Variants in CACNA2D3 observed in about 807,000 individuals in gnomAD.
The protein encoded by CACNA2D3 is calcium voltage-gated channel auxiliary subunit alpha2delta 3.
CACNA2D3 carries 60 observed loss-of-function variants against 160.6 expected under a neutral mutation model. That is an observed-to-expected ratio of 0.37 (90% confidence interval 0.30 to 0.46). CACNA2D3 has a LOEUF of 0.46. Ranked by LOEUF, CACNA2D3 falls within the 20% of genes least tolerant of loss-of-function variation. CACNA2D3 has a pLI of 1.00. For synonymous variants in CACNA2D3, 558 were observed against 492.9 expected (o/e 1.13, Z -1.75); for missense variants, 1,205 against 1,365.0 (o/e 0.88, Z 1.85).
chr3:54,908,200 A>G (rs543813191), intron 27 of CACNA2D3, among the ~76,000 whole-genome samples: 1 of 152,352 alleles, frequency 6.6e-6, no homozygotes, highest in African/African-American at 2.4e-5. Flanking sequence ...CAATTTTTCT[A>G]CATCCTTTCT....
At chr3:54,974,611 A>T (rs891113771) in intron 29 of CACNA2D3, among the ~76,000 whole-genome samples, 3 of 152,188 alleles carry the variant, frequency 2.0e-5, no homozygotes, top group African/African-American at 7.2e-5. Context: ...TGTGACTAAG[A>T]ATCAGACTTC....
chr3:54,214,180 C>G (rs1701424012), intron 2 of CACNA2D3, among the ~76,000 whole-genome samples: 1 of 152,106 alleles, frequency 6.6e-6, no homozygotes, highest in Non-Finnish European at 1.5e-5. Flanking sequence ...AAGACTCTGA[C>G]TGAATTAATC....
chr3:54,618,375 GCACACA>G (rs56788185), intron 9 of CACNA2D3, among the ~76,000 whole-genome samples: 33 of 115,508 alleles, frequency 2.9e-4, no homozygotes, highest in South Asian at 6.4e-4. Context: ...ATATATATAT[GCACACA>G]CACACACACA....
chr3:54,174,017 G>GT (rs1700620752), intron 2 of CACNA2D3, among the ~76,000 whole-genome samples: 1 of 152,194 alleles, frequency 6.6e-6, no homozygotes, highest in African/African-American at 2.4e-5. Context: ...CTTGCTCTAG[G>GT]TTAGGTATCG....
intron 13 of CACNA2D3, among the ~76,000 whole-genome samples, chr3:54,764,836 G>T (rs142707778): frequency 2.0e-5 from 3 of 152,294 alleles, no homozygotes; most frequent in Non-Finnish European, 4.4e-5. Context: ...TTGAATGGTG[G>T]TTCAGTAGGC....
At chr3:54,714,547 G>C (rs188963434) in intron 11 of CACNA2D3, among the ~76,000 whole-genome samples, 1 of 152,304 alleles carries the variant, frequency 6.6e-6, no homozygotes. Flanking sequence ...TGCTTGGAAA[G>C]TGGAAATTGG....
intron 17 of CACNA2D3, among the ~76,000 whole-genome samples, chr3:54,847,293 A>G (rs1463550573): frequency 6.6e-6 from 1 of 152,250 alleles, no homozygotes; most frequent in Non-Finnish European, 1.5e-5. Flanking sequence ...ATAAAGAGTA[A>G]TGCAGTGAAC....
chr3:55,043,831 A>G (rs1048954935), intron 35 of CACNA2D3, among the ~76,000 whole-genome samples: 3 of 152,192 alleles, frequency 2.0e-5, no homozygotes, highest in Admixed American at 6.5e-5. Context: ...GTGATTTAGC[A>G]TTATGGATAT....
intron 35 of CACNA2D3, among the ~76,000 whole-genome samples, chr3:55,050,513 C>T (rs1218582004): frequency 1.3e-5 from 2 of 150,724 alleles, no homozygotes; most frequent in Non-Finnish European, 3.0e-5. Flanking sequence ...GTAACTCGAC[C>T]TTTCTCTCTG....
intron 35 of CACNA2D3, among the ~76,000 whole-genome samples, chr3:55,031,128 A>G (rs1703680097): frequency 6.6e-6 from 1 of 152,186 alleles, no homozygotes; most frequent in Non-Finnish European, 1.5e-5. Flanking sequence ...GTTTATTTGC[A>G]TGTGGAATGG....
At chr3:54,865,939 A>G (rs1699391665) in intron 17 of CACNA2D3, among the ~76,000 whole-genome samples, 2 of 152,044 alleles carry the variant, frequency 1.3e-5, no homozygotes, top group African/African-American at 4.8e-5. Context: ...AATGAGGCAC[A>G]GAGACGTGCA....
intron 16 of CACNA2D3, among the ~76,000 whole-genome samples, chr3:54,843,334 A>T (rs1698862961): frequency 6.6e-6 from 1 of 152,230 alleles, no homozygotes; most frequent in East Asian, 1.9e-4. Context: ...AGTGCAGGTC[A>T]GGAGAGCCTT....
At chr3:54,195,871 C>T (rs1701070013) in intron 2 of CACNA2D3, among the ~76,000 whole-genome samples, 1 of 152,194 alleles carries the variant, frequency 6.6e-6, no homozygotes, top group African/African-American at 2.4e-5. Flanking sequence ...GACATTTATG[C>T]AAGTGAAAAC....
At chr3:54,188,327 G>C (rs1246672779) in intron 2 of CACNA2D3, among the ~76,000 whole-genome samples, 1 of 152,228 alleles carries the variant, frequency 6.6e-6, no homozygotes, top group African/African-American at 2.4e-5. Flanking sequence ...TAGCACAGCT[G>C]AGGAGAGCTG....
At chr3:54,788,018 C>A (rs1239755214) in intron 13 of CACNA2D3, among the ~76,000 whole-genome samples, 2 of 152,206 alleles carry the variant, frequency 1.3e-5, no homozygotes, top group South Asian at 2.1e-4. Flanking sequence ...TTAGCAACTT[C>A]CTAATCATTG....
At chr3:55,009,355 A>C in intron 33 of CACNA2D3, 33 bp from the exon 34 acceptor site, 1 of 1,600,034 alleles carries the variant, frequency 6.2e-7, no homozygotes, top group Non-Finnish European at 8.6e-7. Flanking sequence ...ATGGATGACG[A>C]AGTAACATTG....
At chr3:54,871,732 G>T in intron 18 of CACNA2D3, 110 bp downstream of exon 18, 1 of 744,238 alleles carries the variant, frequency 1.3e-6, no homozygotes, top group South Asian at 1.7e-5. Flanking sequence ...GGGACACCTG[G>T]CTACCAGAGG....
At chr3:54,330,762 C>A (rs1274044628) in intron 3 of CACNA2D3, among the ~76,000 whole-genome samples, 2 of 152,182 alleles carry the variant, frequency 1.3e-5, no homozygotes, top group Non-Finnish European at 1.5e-5. Flanking sequence ...GTTAGGATGC[C>A]TTTTGAGCCT....
chr3:54,331,495 A>G (rs1704253834), intron 3 of CACNA2D3, among the ~76,000 whole-genome samples: 1 of 152,252 alleles, frequency 6.6e-6, no homozygotes, highest in South Asian at 2.1e-4. Flanking sequence ...AGTCATTGCC[A>G]TTGTTTTCAT....
Sources: allele counts gnomAD v4.1 joint callset (sites outside exome capture counted in the v4.1 genomes callset), GRCh38; gene constraint gnomAD v4.1.1; transcripts MANE v1.5; gene names NCBI Gene and HGNC (gene_info 2026-07-23, HGNC 2026-07-21).